Variants in TBX4 observed in about 807,000 individuals in gnomAD.
TBX4 encodes T-box transcription factor TBX4.
Under a neutral mutation model 54.6 loss-of-function variants are expected in TBX4, and 13 were observed. The ratio of observed to expected loss-of-function variants is 0.24; its 90% CI spans 0.15 to 0.38. TBX4 has a LOEUF of 0.38. Ranked by LOEUF, TBX4 falls within the 10% of genes least tolerant of loss-of-function variation. The probability of loss-of-function intolerance (pLI) is 1.00; values close to 1 mark genes in which losing one functional copy is unlikely to be tolerated. For synonymous variants in TBX4, 314 were observed against 306.7 expected, an observed-to-expected ratio of 1.02 and a Z score of -0.25; for missense variants, 631 against 728.5, an observed-to-expected ratio of 0.87 and a Z score of 1.54.
Position 61,476,823 on chromosome 17 carries a change from G to A in TBX4, c.550-1804G>A, listed in dbSNP as rs1293718908. 1.3e-5 allele frequency among the ~76,000 whole-genome samples: 2 copies of A among 152,214 alleles called. No individual in the cohort carries two copies. Among genetic ancestry groups the A allele is most frequent in the South Asian group, 2.1e-4 (1 of 4,830 alleles). ...CTGGATGGAGTCACCCAGCTCAACCGAGGAGCCCAGGGAAGGCCAGTACCC... is the reference window on the plus strand; with the variant it reads ...CTGGATGGAGTCACCCAGCTCAACCAAGGAGCCCAGGGAAGGCCAGTACCC... On this transcript the variant is annotated intron_variant, in intron 5 of 8. Coordinates refer to ENST00000644296, the MANE Select transcript of TBX4 (RefSeq NM_001321120.2). This position sits in a 1 kb window ranked among gnomAD's most constrained non-coding sequence, Gnocchi z 6.5.
chr17:61,471,756 G>T (rs369943830), intron 5 of TBX4, among the ~76,000 whole-genome samples: 1 of 151,760 alleles, frequency 6.6e-6, no homozygotes. Flanking sequence ...ATAGAGTTTC[G>T]CTCTTGTTGC....
chr17:61,457,385 G>A lies in TBX4; in HGVS notation c.187-152G>A. The A allele has an allele frequency of 1.5e-6, 1 of 674,668 alleles. No individual in the cohort carries two copies. The highest frequency in any genetic ancestry group is 2.6e-6 in the Non-Finnish European group (1 of 377,738). The allele number at this position is 674,668 out of a possible 1,614,324, so 41.8% of individuals were successfully genotyped here. On this transcript the variant is annotated intron_variant, in intron 2 of 8. Coordinates refer to ENST00000644296, the MANE Select transcript of TBX4 (RefSeq NM_001321120.2). The surrounding 1 kb of genome is among the most constrained non-coding windows in gnomAD (Gnocchi z 8.2). Reference sequence around the variant, plus strand: ...ATTAATTCTTTTATATTCACGAATAGTTCAAAATCGTTCTGTGAAACGAAA... The same window carrying A: ...ATTAATTCTTTTATATTCACGAATAATTCAAAATCGTTCTGTGAAACGAAA...
chr17:61,456,247 C>A (rs893778102), intron 1 of TBX4, among the ~76,000 whole-genome samples: 2 of 152,236 alleles, frequency 1.3e-5, no homozygotes, highest in Admixed American at 1.3e-4. Context: ...GAACCCCACA[C>A]CCAGGGGCAG....
rs1045129746 is a variant in TBX4, at chr17:61,456,615, C to G, written c.125C>G (p.Ala42Gly). 7.2e-7 allele frequency: 1 copy of G among 1,388,230 alleles called. No individual in the cohort carries two copies. Among genetic ancestry groups the G allele is most frequent in the Admixed American group, 3.4e-5 (1 of 29,600 alleles). 86.0% of individuals were successfully genotyped at this position (1,388,230 alleles called of 1,614,324 possible). A position where few individuals can be genotyped will look rare whatever the true frequency, so the allele number is the denominator to read the frequency against. ...PALAAPGLSG[A>G]ALGSPPGPGA... ...CTGGCAGCGCCGGGCCTCAGCGGAG[C>G]CGCGCTAGGCAGCCCCCCGGGACCC... The change falls in exon 2 of 9, where the codon GCC (alanine) becomes GGC (glycine). Residue 42 changes from alanine to glycine, a missense_variant. Coordinates refer to ENST00000644296, the MANE Select transcript of TBX4 (RefSeq NM_001321120.2).
At chr17:61,453,414 T>C (rs1020935433) in intron 1 of TBX4, among the ~76,000 whole-genome samples, 1 of 152,144 alleles carries the variant, frequency 6.6e-6, no homozygotes, top group Non-Finnish European at 1.5e-5. Flanking sequence ...TATAATAATA[T>C]AATGTATTAT....
intron 1 of TBX4, among the ~76,000 whole-genome samples, chr17:61,454,926 T>C (rs2060435898): frequency 6.6e-6 from 1 of 152,162 alleles, no homozygotes; most frequent in African/African-American, 2.4e-5. Context: ...GCCGGGGCCC[T>C]AGATATAGTT....
Position 61,464,734 on chromosome 17 carries a change from G to C in TBX4, c.282-1085G>C, listed in dbSNP as rs1409115279. 6.6e-6 allele frequency among the ~76,000 whole-genome samples: 1 copy of C among 152,188 alleles called. No individual in the cohort carries two copies. The highest frequency in any genetic ancestry group is 2.4e-5 in the African/African-American group (1 of 41,432). Reference sequence around the variant, plus strand: ...GTGAAGTCAGGGACCTAGTGACTAGGGGAGGGAGCTGTGCCCAGAGCGTTT... The same window carrying C: ...GTGAAGTCAGGGACCTAGTGACTAGCGGAGGGAGCTGTGCCCAGAGCGTTT... On this transcript the variant is annotated intron_variant, in intron 3 of 8. Coordinates refer to ENST00000644296, the MANE Select transcript of TBX4 (RefSeq NM_001321120.2). This position sits in a 1 kb window ranked among gnomAD's most constrained non-coding sequence, Gnocchi z 5.8.
rs1257758895 is a variant in TBX4, at chr17:61,465,897, C to T, written c.360C>T (p.Val120=). Residue 120 remains valine, a synonymous_variant, in exon 4 of 9, where the codon GTC becomes GTT. Transcript: ENST00000644296. This position sits in a 1 kb window ranked among gnomAD's most constrained non-coding sequence, Gnocchi z 4.9. ...AGTATATCCTGCTGATTGACATTGT[C>T]CCTGCCGATGACCATCGCTACAAGT... ...KTKYILLIDI[V]PADDHRYKFC... 5 of 1,614,152 alleles carry T rather than the reference C, an allele frequency of 3.1e-6. No homozygotes were observed. In the East Asian group the frequency reaches 8.9e-5, roughly 29 times the overall value.
rs376627101 is a variant in TBX4 at position 61,457,638 on chromosome 17, G to T, written c.281+7G>T. 9.3e-6 allele frequency: 15 copies of T among 1,613,500 alleles called. No homozygotes were observed. The African/African-American group carries it at 1.9e-4, about 20-fold the overall frequency. Reference sequence around the variant, plus strand: ...TCATCACTAAGGCTGGCAGGTCAGCGCTGGGAGATTTACTTCCGGGGATGG... The same window carrying T: ...TCATCACTAAGGCTGGCAGGTCAGCTCTGGGAGATTTACTTCCGGGGATGG... On this transcript the variant is annotated splice_region_variant and intron_variant, in intron 3 of 8. Coordinates refer to ENST00000644296, the MANE Select transcript of TBX4 (RefSeq NM_001321120.2). The surrounding 1 kb of genome is among the most constrained non-coding windows in gnomAD (Gnocchi z 8.2).
In TBX4 at chr17:61,476,662, C is replaced by T. The variant is rs973202975; in HGVS notation, c.550-1965C>T. On this transcript the variant is annotated intron_variant, in intron 5 of 8. Coordinates refer to ENST00000644296, the MANE Select transcript of TBX4 (RefSeq NM_001321120.2). This position sits in a 1 kb window ranked among gnomAD's most constrained non-coding sequence, Gnocchi z 6.5. ...ATTCCTCACCTGGCAGGCCCCCAGTCGGGCAGCAGGTCCCCAGCTGCAGGA... is the reference window on the plus strand; with the variant it reads ...ATTCCTCACCTGGCAGGCCCCCAGTTGGGCAGCAGGTCCCCAGCTGCAGGA... Among the ~76,000 whole-genome samples the T allele has an allele frequency of 1.3e-5, 2 of 152,226 alleles. No individual in the cohort carries two copies. Among genetic ancestry groups the T allele is most frequent in the East Asian group, 1.9e-4 (1 of 5,200 alleles).
In TBX4 at chr17:61,481,364, C is replaced by T. The variant is rs1569045460; in HGVS notation, c.1021+1045C>T. 1 of 152,246 alleles carries T rather than the reference C, an allele frequency of 6.6e-6. No individual in the cohort carries two copies. The highest frequency in any genetic ancestry group is 2.1e-4 in the South Asian group (1 of 4,834). The allele number at this position is 152,246 out of a possible 1,614,324, so 9.4% of individuals were successfully genotyped here. On this transcript the variant is annotated intron_variant, in intron 8 of 8. Coordinates refer to ENST00000644296, the MANE Select transcript of TBX4 (RefSeq NM_001321120.2). The surrounding 1 kb of genome is among the most constrained non-coding windows in gnomAD (Gnocchi z 4.8). ...CTTTCATGGTACAACGGCAGAGTTT[C>T]GTAGTTGCAACAGATACCCTGCGGC...
intron 1 of TBX4, among the ~76,000 whole-genome samples, 199 bp from the exon 2 acceptor site, chr17:61,456,289 G>A (rs2060448341): frequency 6.6e-6 from 1 of 152,198 alleles, no homozygotes; most frequent in Non-Finnish European, 1.5e-5. Flanking sequence ...ACCCTCCCAG[G>A]TCCACAGCCT....
At chr17:61,454,841 G>A (rs1425903318) in intron 1 of TBX4, among the ~76,000 whole-genome samples, 1 of 152,236 alleles carries the variant, frequency 6.6e-6, no homozygotes, top group African/African-American at 2.4e-5. Context: ...CCAAGCGCGA[G>A]ACGGCCCCTC....
rs751441900 is a variant in TBX4 at position 61,483,284 on chromosome 17, C to G, written c.1409C>G (p.Ala470Gly). 1.5e-5 allele frequency: 24 copies of G among 1,613,962 alleles called. No individual in the cohort carries two copies. In the African/African-American group the frequency reaches 3.1e-4, roughly 21 times the overall value. Residue 470 changes from alanine (A) to glycine (G), a missense_variant, in exon 9 of 9, where the codon GCC (alanine) becomes GGC (glycine). This residue lies in a region of TBX4 where 354 missense variants were observed against 368.9 expected (regional missense o/e 0.96). Coordinates refer to ENST00000644296, the MANE Select transcript of TBX4 (RefSeq NM_001321120.2). The surrounding 1 kb of genome is among the most constrained non-coding windows in gnomAD (Gnocchi z 6.6). ...SAQSSQPPGN[A>G]HFSVYNQLSQ... Reference sequence around the variant, plus strand: ...CAGAGCTCCCAGCCACCAGGAAATGCCCACTTTAGTGTCTACAATCAGCTC... The same window carrying G: ...CAGAGCTCCCAGCCACCAGGAAATGGCCACTTTAGTGTCTACAATCAGCTC...
Position 61,478,556 on chromosome 17 carries a change from A to G in TBX4, c.550-71A>G. On this transcript the variant is annotated intron_variant, in intron 5 of 8. Coordinates refer to ENST00000644296, the MANE Select transcript of TBX4 (RefSeq NM_001321120.2). This position sits in a 1 kb window ranked among gnomAD's most constrained non-coding sequence, Gnocchi z 7.4. ...ATGAGAAAAACCAGGCCAGGGCCAG[A>G]AGAATGAGGTCAAGGGCCTGGGGCT... 6.2e-7 allele frequency: 1 copy of G among 1,604,478 alleles called. No individual in the cohort carries two copies. Among genetic ancestry groups the G allele is most frequent in the Non-Finnish European group, 8.5e-7 (1 of 1,171,398 alleles).
At chr17:61,467,386 A>AATG (rs2060544211) in intron 4 of TBX4, 124 bp from the exon 5 acceptor site, 2 of 1,098,534 alleles carry the variant, frequency 1.8e-6, no homozygotes, top group Admixed American at 3.8e-5. Context: ...CTAATTTGAC[A>AATG]ATGTGGTGGG....
At position 61,467,518 on chromosome 17, in the gene TBX4, C is replaced by A; in HGVS notation, c.410C>A (p.Ala137Glu). The change falls in exon 5 of 9, where the codon GCA becomes GAA. Residue 137 changes from alanine to glutamate, a missense_variant. This residue lies in a region of TBX4 where 154 missense variants were observed against 238.6 expected (regional missense o/e 0.65). Coordinates refer to ENST00000644296, the MANE Select transcript of TBX4 (RefSeq NM_001321120.2). ...ATCTGCTCTGTTGGCAGGATGGTGG[C>A]AGGGAAGGCTGAGCCAGCCATGCCA... ...YKFCDNKWMV[A>E]GKAEPAMPGR... is the part of the protein sequence containing the mutation. The A allele has an allele frequency of 1.2e-6, 2 of 1,614,172 alleles. No homozygotes were observed. The highest frequency in any genetic ancestry group is 1.7e-6 in the Non-Finnish European group (2 of 1,180,046).
chr17:61,484,330 C>T lies in TBX4; in HGVS notation c.*814C>T, dbSNP rs2060688200. The T allele has an allele frequency of 6.6e-6, 1 of 152,072 alleles. No homozygotes were observed. The highest frequency in any genetic ancestry group is 2.1e-4 in the South Asian group (1 of 4,816). The allele number at this position is 152,072 out of a possible 1,614,324, so 9.4% of individuals were successfully genotyped here. On this transcript the variant is annotated 3_prime_UTR_variant, in exon 9 of 9. Coordinates refer to ENST00000644296, the MANE Select transcript of TBX4 (RefSeq NM_001321120.2). This position sits in a 1 kb window ranked among gnomAD's most constrained non-coding sequence, Gnocchi z 4.1. ...CCCTTCCCCCTAGGTCCCCAACATA[C>T]AGTCTCTCACTCTGGTGTGTGGAGA...
rs1326322998 is a variant in TBX4, at chr17:61,464,914, A to T, written c.282-905A>T. 6.6e-6 allele frequency among the ~76,000 whole-genome samples: 1 copy of T among 152,202 alleles called. No individual in the cohort carries two copies. Among genetic ancestry groups the T allele is most frequent in the Admixed American group, 6.5e-5 (1 of 15,286 alleles). The stretch of plus-strand genomic sequence containing the variant: ...GGTTTTGGTGAATCCATTTTCACAG[A>T]AGTAGGTCATACCACTTCTCCATTT... On this transcript the variant is annotated intron_variant, in intron 3 of 8. Coordinates refer to ENST00000644296, the MANE Select transcript of TBX4 (RefSeq NM_001321120.2). The surrounding 1 kb of genome is among the most constrained non-coding windows in gnomAD (Gnocchi z 5.8).
Sources: gnomAD v4.1 joint callset for allele counts (sites outside exome capture counted in the v4.1 genomes callset) on GRCh38, gnomAD v4.1.1 for gene constraint, gnomAD v4.1.1 regional missense constraint, Gnocchi (gnomAD v3.1) non-coding constraint, MANE v1.5 for transcripts, NCBI Gene and HGNC (gene_info 2026-07-23, HGNC 2026-07-21) for gene names.